NAPRT: variants seen among roughly 807,000 people sequenced by gnomAD.
The protein encoded by NAPRT is nicotinate phosphoribosyltransferase, also known as FHA-HIT-interacting protein.
In NAPRT, 66 loss-of-function variants were observed where a neutral mutation model predicts 60.7. The observed-to-expected ratio is 1.09, with a 90% CI of 0.89 to 1.33. The LOEUF (loss-of-function observed/expected upper bound fraction) is 1.33, where lower values mean the gene tolerates loss of function less well. NAPRT is among the 40% of genes most tolerant of loss of function. The probability of loss-of-function intolerance (pLI) is 0.00; values close to 1 mark genes in which losing one functional copy is unlikely to be tolerated. For synonymous variants in NAPRT, 405 were observed against 335.7 expected, an observed-to-expected ratio of 1.21 and a Z score of -2.26; for missense variants, 818 against 731.5, an observed-to-expected ratio of 1.12 and a Z score of -1.36.
At chr8:143,573,274 G>A (rs1824186468), downstream of NAPRT, among the ~76,000 whole-genome samples, 1 of 152,216 alleles carries the variant, frequency 6.6e-6, no homozygotes, top group Non-Finnish European at 1.5e-5. Flanking sequence ...GCTTGGGGCA[G>A]CCCGGAGGTG....
chr8:143,576,157 T>C lies in NAPRT; in HGVS notation c.1028A>G (p.Gln343Arg), dbSNP rs377542827. 158 of 1,596,600 alleles carry C rather than the reference T, an allele frequency of 9.9e-5. 1 individual carries two copies. In the Middle Eastern group the frequency reaches 1.7e-3, roughly 17 times the overall value. The change falls in exon 8 of 13, where the codon CAG (glutamine) becomes CGG (arginine). Residue 343 changes from glutamine to arginine, a missense_variant. By Grantham distance (43) the Gln-to-Arg change is conservative (BLOSUM62 1). Coordinates refer to ENST00000449291, the MANE Select transcript of NAPRT (RefSeq NM_145201.6). Reference sequence around the variant, plus strand: ...GAGGACTGACTCCAGCCAGGGCACCTGGAACCTGCCGCGTGGGTGGAGAAA... The same window carrying C: ...GAGGACTGACTCCAGCCAGGGCACCCGGAACCTGCCGCGTGGGTGGAGAAA... Reference protein sequence around the residue: ...KVFRAAAAQFQVPWLESVLIV... With the variant: ...KVFRAAAAQFRVPWLESVLIV...
Position 143,574,854 on chromosome 8 carries a change from G to T in NAPRT, c.1601C>A (p.Ala534Glu). 6.4e-7 allele frequency: 1 copy of T among 1,550,630 alleles called. No homozygotes were observed. Among genetic ancestry groups the T allele is most frequent in the Non-Finnish European group, 8.7e-7 (1 of 1,146,990 alleles). ...RLQALVNSLC[A>E]GQSP ...CTCCGAGTCTCAGGGGGACTGCCCC[G>T]CACACAGACTGTTCACCAGGGCCTG... The change falls in exon 13 of 13, where the codon GCG becomes GAG. Residue 534 changes from alanine to glutamate, a missense_variant. Coordinates refer to ENST00000449291, the MANE Select transcript of NAPRT (RefSeq NM_145201.6).
At chr8:143,573,124 C>T (rs1408977090), downstream of NAPRT, among the ~76,000 whole-genome samples, 1 of 152,064 alleles carries the variant, frequency 6.6e-6, no homozygotes, top group Non-Finnish European at 1.5e-5. Context: ...CACCCTGAGT[C>T]GAGGCCTGAT....
In NAPRT at chr8:143,575,634, A is replaced by C; in HGVS notation, c.1176T>G (p.Gly392=). ...ACACTGTCCCTACCTTATAGACGCC[A>C]CCCAGGGAAGGCTGTTGGGGGCAGG... ...VVTCPQQPSL[G]GVYKLVAVGG... Residue 392 remains glycine (G), a synonymous_variant, in exon 9 of 13, where the codon GGT becomes GGG. Coordinates refer to ENST00000449291, the MANE Select transcript of NAPRT (RefSeq NM_145201.6). 1 of 1,594,616 alleles carries C rather than the reference A, an allele frequency of 6.3e-7. No individual in the cohort carries two copies. Among genetic ancestry groups the C allele is most frequent in the Non-Finnish European group, 8.5e-7 (1 of 1,171,356 alleles).
At position 143,576,471 on chromosome 8, in the gene NAPRT, G is replaced by T. The variant is rs777866158; in HGVS notation, c.983C>A (p.Ala328Asp). ...RLDSGDLLQQ[A>D]QEIRKVFRAA... The stretch of plus-strand genomic sequence containing the variant: ...TCGGAAGACCTTGCGGATCTCCTGA[G>T]CCTGCTGTAGCAGGTCACCACTGTC... Residue 328 changes from alanine to aspartate, a missense_variant, in exon 7 of 13, where the codon GCT becomes GAT. Transcript: ENST00000449291. 12 of 1,612,008 alleles carry T rather than the reference G, an allele frequency of 7.4e-6. No homozygotes were observed. The South Asian group carries it at 9.9e-5, about 13-fold the overall frequency.
At chr8:143,576,347 A>G in intron 7 of NAPRT, 85 bp downstream of exon 7, 1 of 1,516,028 alleles carries the variant, frequency 6.6e-7, no homozygotes, top group Non-Finnish European at 8.9e-7. Context: ...CTGAAACTTC[A>G]GCAGAGTACC....
chr8:143,577,917 G>C lies in NAPRT; in HGVS notation c.253C>G (p.Pro85Ala), dbSNP rs1396067050. 6.2e-7 allele frequency: 1 copy of C among 1,611,432 alleles called. No homozygotes were observed. Among genetic ancestry groups the C allele is most frequent in the Non-Finnish European group, 8.5e-7 (1 of 1,179,200 alleles). ...ADVQFLASVL[P>A]PDTDPAFFEH... The stretch of plus-strand genomic sequence containing the variant: ...AAGAACGCAGGATCCGTGTCTGGGG[G>C]CAGCACCGAGGCCAGGAACTGCACG... The change falls in exon 2 of 13, where the codon CCC becomes GCC. Residue 85 changes from proline to alanine, a missense_variant. Physicochemically the swap from Pro to Ala is conservative, Grantham distance 27 (BLOSUM62 -1). Transcript: ENST00000449291.
rs768963264 is a variant in NAPRT, at chr8:143,576,510, A to G, written c.944T>C (p.Val315Ala). Residue 315 changes from valine to alanine, a missense_variant, in exon 7 of 13, where the codon GTG becomes GCG. Transcript: ENST00000449291. The stretch of plus-strand genomic sequence containing the variant: ...GTCACCACTGTCCAGCCTCACGCCC[A>G]CTGCCCGGTAGCCCAGCTCTCCCAG... ...LALGELGYRA[V>A]GVRLDSGDLL... is the part of the protein sequence containing the mutation. 4 of 1,612,422 alleles carry G rather than the reference A, an allele frequency of 2.5e-6. No individual in the cohort carries two copies. The South Asian group carries it at 4.4e-5, about 18-fold the overall frequency.
In NAPRT at chr8:143,578,143, C is replaced by G. The variant is rs1287629049; in HGVS notation, c.176G>C (p.Gly59Ala). ...PFGGAFALAA[G>A]LRDCVRFLRA... The stretch of plus-strand genomic sequence containing the variant: ...CAGGAAGCGCACACAGTCGCGCAAG[C>G]CGGCGGCCAAGGCGAAGGCGCCGCC... Residue 59 changes from glycine (G) to alanine (A), a missense_variant, in exon 1 of 13, where the codon GGC becomes GCC. Physicochemically the swap from Gly to Ala is moderately conservative, Grantham distance 60. Coordinates refer to ENST00000449291, the MANE Select transcript of NAPRT (RefSeq NM_145201.6). The G allele has an allele frequency of 1.1e-5, 16 of 1,523,670 alleles. No individual in the cohort carries two copies. The highest frequency in any genetic ancestry group is 1.4e-5 in the Non-Finnish European group (16 of 1,141,830). 94.4% of individuals were successfully genotyped at this position (1,523,670 alleles called of 1,614,324 possible).
At chr8:143,574,086 C>T (rs73379007), downstream of NAPRT, among the ~76,000 whole-genome samples, 3,166 of 152,362 alleles carry the variant, frequency 0.021, 126 homozygotes, top group African/African-American at 0.072. Context: ...TTGAAGCTCA[C>T]GTTGCCCAAA....
Position 143,576,636 on chromosome 8 carries a change from C to T in NAPRT, c.881+10G>A. The T allele has an allele frequency of 6.2e-7, 1 of 1,605,984 alleles. No homozygotes were observed. Among genetic ancestry groups the T allele is most frequent in the Non-Finnish European group, 8.5e-7 (1 of 1,175,204 alleles). On this transcript the variant is annotated intron_variant, in intron 6 of 12. Coordinates refer to ENST00000449291, the MANE Select transcript of NAPRT (RefSeq NM_145201.6). ...TCTGCTGAGCCCACCCCTAAAGTGC[C>T]CGGGCTCACCTCCACACGCTGTAGG...
chr8:143,576,289 T>A, intron 7 of NAPRT, 127 bp from the exon 8 acceptor site: 1 of 1,348,696 alleles, frequency 7.4e-7, no homozygotes, highest in African/African-American at 1.5e-5. Flanking sequence ...TGGGAGCTCC[T>A]AGGGAGCCCC....
Position 143,578,272 on chromosome 8 carries a change from A to AGCGGCCGCGCC in NAPRT, c.36_46dup (p.Leu16ArgfsTer93), listed in dbSNP as rs1824666842. On this transcript the variant is annotated frameshift_variant, in exon 1 of 13. Coordinates refer to ENST00000449291, the MANE Select transcript of NAPRT (RefSeq NM_145201.6). LOFTEE classifies it high-confidence loss of function. ...GGTGGCCTGGTAGAGGTCAGTGAGC[A>AGCGGCCGCGCC]GCGGCCGCGCCGCCGCGCGCGCCTC... 1 of 1,418,708 alleles carries AGCGGCCGCGCC rather than the reference A, an allele frequency of 7.0e-7. No homozygotes were observed. Among genetic ancestry groups the AGCGGCCGCGCC allele is most frequent in the Admixed American group, 3.4e-5 (1 of 29,074 alleles). 87.9% of individuals were successfully genotyped at this position (1,418,708 alleles called of 1,614,324 possible).
rs1824315054 is a variant in NAPRT, at chr8:143,574,887, T to C, written c.1568A>G (p.Glu523Gly). The change falls in exon 13 of 13, where the codon GAG becomes GGG. Residue 523 changes from glutamate (E) to glycine (G), a missense_variant. Physicochemically the swap from Glu to Gly is moderately conservative, Grantham distance 98 (BLOSUM62 -2). Transcript: ENST00000449291. ...SPAQYQVVLSERLQALVNSLC... is the reference protein window; with the variant it reads ...SPAQYQVVLSGRLQALVNSLC... ...ACTGTTCACCAGGGCCTGCAGCCTC[T>C]CGGACAGCACCACCTGCAGGGAGCA... 1 of 1,550,504 alleles carries C rather than the reference T, an allele frequency of 6.4e-7. No individual in the cohort carries two copies. The highest frequency in any genetic ancestry group is 8.7e-7 in the Non-Finnish European group (1 of 1,147,010).
In NAPRT at chr8:143,576,472, C is replaced by G; in HGVS notation, c.982G>C (p.Ala328Pro). Reference protein sequence around the residue: ...RLDSGDLLQQAQEIRKVFRAA... With the variant: ...RLDSGDLLQQPQEIRKVFRAA... The stretch of plus-strand genomic sequence containing the variant: ...CGGAAGACCTTGCGGATCTCCTGAG[C>G]CTGCTGTAGCAGGTCACCACTGTCC... Residue 328 changes from alanine (A) to proline (P), a missense_variant, in exon 7 of 13, where the codon GCT becomes CCT. Ala to Pro is a conservative substitution (Grantham distance 27). Coordinates refer to ENST00000449291, the MANE Select transcript of NAPRT (RefSeq NM_145201.6). 1.2e-6 allele frequency: 2 copies of G among 1,612,066 alleles called. No individual in the cohort carries two copies. Among genetic ancestry groups the G allele is most frequent in the East Asian group, 4.5e-5 (2 of 44,854 alleles).
chr8:143,574,884 C>G lies in NAPRT; in HGVS notation c.1571G>C (p.Arg524Thr). ...CAGACTGTTCACCAGGGCCTGCAGC[C>G]TCTCGGACAGCACCACCTGCAGGGA... ...PAQYQVVLSE[R>T]LQALVNSLCA... The change falls in exon 13 of 13, where the codon AGG becomes ACG. Residue 524 changes from arginine (R) to threonine (T), a missense_variant. By Grantham distance (71) the Arg-to-Thr change is moderately conservative. Transcript: ENST00000449291. 3 of 1,550,662 alleles carry G rather than the reference C, an allele frequency of 1.9e-6. No homozygotes were observed. Among genetic ancestry groups the G allele is most frequent in the Non-Finnish European group, 2.6e-6 (3 of 1,147,006 alleles).
At chr8:143,574,595 G>A (rs1869434), downstream of NAPRT, 438,782 of 605,926 alleles carry the variant, frequency 0.72, 160,044 homozygotes, top group Non-Finnish European at 0.76. Flanking sequence ...ACCCAAAGCC[G>A]GGGAACTCCT....
rs543705775 is a variant in NAPRT, at chr8:143,577,788, G to A, written c.354+28C>T. 3.1e-5 allele frequency: 49 copies of A among 1,582,568 alleles called. No individual in the cohort carries two copies. The East Asian group carries it at 8.3e-4, about 27-fold the overall frequency. Reference sequence around the variant, plus strand: ...GCGCTCGGCCCAGCACCCCGTGGCCGCCGCGCCGCCCGCTTACCCCTACTC... The same window carrying A: ...GCGCTCGGCCCAGCACCCCGTGGCCACCGCGCCGCCCGCTTACCCCTACTC... On this transcript the variant is annotated intron_variant, in intron 2 of 12. Transcript: ENST00000449291.
chr8:143,577,825 G>A lies in NAPRT; in HGVS notation c.345C>T (p.Ala115=), dbSNP rs1824599400. Residue 115 remains alanine (A), a synonymous_variant, in exon 2 of 13, where the codon GCC becomes GCT. Coordinates refer to ENST00000449291, the MANE Select transcript of NAPRT (RefSeq NM_145201.6). ...GCTTACCCCTACTCACTCCGGGGAA[G>A]GCGAGGGAGCCCTCGGGCAGGGCTC... ...TVRALPEGSL[A]FPGVPLLQVS... is the part of the protein sequence containing the mutation. 6.2e-7 allele frequency: 1 copy of A among 1,608,778 alleles called. No homozygotes were observed. Among genetic ancestry groups the A allele is most frequent in the Non-Finnish European group, 8.5e-7 (1 of 1,178,628 alleles).
Sources: allele counts gnomAD v4.1 joint callset (sites outside exome capture counted in the v4.1 genomes callset), GRCh38; gene constraint gnomAD v4.1.1; transcripts MANE v1.5; gene names NCBI Gene and HGNC (gene_info 2026-07-23, HGNC 2026-07-21).